Variants in FOXN3 observed in about 807,000 individuals in gnomAD.
FOXN3 encodes forkhead box N3.
FOXN3 carries 7 observed loss-of-function variants against 38.4 expected under a neutral mutation model. That is an observed-to-expected ratio of 0.18 (90% CI 0.10 to 0.34). The LOEUF is 0.34. Ranked by LOEUF, FOXN3 falls within the 10% of genes least tolerant of loss-of-function variation. The pLI is 1.00. For synonymous variants in FOXN3, 230 were observed against 242.2 expected, an observed-to-expected ratio of 0.95 and a Z score of 0.47; for missense variants, 456 against 613.4, an observed-to-expected ratio of 0.74 and a Z score of 2.71.
intron 1 of FOXN3, among the ~76,000 whole-genome samples, chr14:89,472,644 C>T (rs1893126399): frequency 6.6e-6 from 1 of 150,682 alleles, no homozygotes. Flanking sequence ...TGGTGTGAAC[C>T]CAGGAGGTGG....
At chr14:89,419,274 A>G (rs918091316), upstream of FOXN3, 3 of 444,046 alleles carry the variant, frequency 6.8e-6, no homozygotes, top group African/African-American at 4.0e-5. Context: ...GAAATGGGGG[A>G]AAAAATGCTG....
At chr14:89,527,590 A>C (rs1376881900) in intron 1 of FOXN3, among the ~76,000 whole-genome samples, 1 of 152,234 alleles carries the variant, frequency 6.6e-6, no homozygotes, top group Non-Finnish European at 1.5e-5. Flanking sequence ...TTACTAAAGA[A>C]GATCTTAATG....
chr14:89,386,089 A>G (rs1566974207), intron 2 of FOXN3, among the ~76,000 whole-genome samples: 1 of 152,218 alleles, frequency 6.6e-6, no homozygotes, highest in Non-Finnish European at 1.5e-5. Context: ...TTTGACACGC[A>G]AATGCCTTCG....
At chr14:89,218,164 C>T (rs569130440) in intron 4 of FOXN3, among the ~76,000 whole-genome samples, 34 of 152,192 alleles carry the variant, frequency 2.2e-4, no homozygotes, top group Non-Finnish European at 4.6e-4. Flanking sequence ...CTCCGCCATG[C>T]CTGCACCTAT....
In FOXN3 at chr14:89,598,265, A is replaced by C. The variant is rs1596328823; in HGVS notation, c.-15+20763T>G. On this transcript the variant is annotated intron_variant, in intron 1 of 6. Transcript: ENST00000345097. ...ATTTTAAACTCCACAAAACATAATA[A>C]TTATTATTTTATAAAGTCAATATTT... 2.0e-5 allele frequency among the ~76,000 whole-genome samples: 3 copies of C among 152,252 alleles called. No homozygotes were observed. In the East Asian group the frequency reaches 5.8e-4, roughly 29 times the overall value.
intron 1 of FOXN3, among the ~76,000 whole-genome samples, chr14:89,532,887 C>CT (rs1894599839): frequency 6.6e-6 from 1 of 152,092 alleles, no homozygotes; most frequent in African/African-American, 2.4e-5. Context: ...ATGTAGGTAA[C>CT]AAAGGTATAC....
At chr14:89,300,909 G>C (rs1213715054) in intron 3 of FOXN3, among the ~76,000 whole-genome samples, 2 of 152,116 alleles carry the variant, frequency 1.3e-5, no homozygotes, top group Admixed American at 6.5e-5. Context: ...CGATTCTCTT[G>C]CCTCAGCCTT....
chr14:89,377,053 A>AAAAAAAC, intron 2 of FOXN3, among the ~76,000 whole-genome samples: 1 of 132,758 alleles, frequency 7.5e-6, no homozygotes, highest in Non-Finnish European at 1.6e-5. Flanking sequence ...AAAAAAAAAA[A>AAAAAAAC]AGCTTGAGCC....
chr14:89,256,686 C>G (rs551044976), intron 4 of FOXN3, among the ~76,000 whole-genome samples: 1 of 152,152 alleles, frequency 6.6e-6, no homozygotes, highest in Non-Finnish European at 1.5e-5. Context: ...CTCCCTAATC[C>G]GTGAGAGTTT....
chr14:89,421,684 G>T (rs889970066), upstream of FOXN3, among the ~76,000 whole-genome samples: 7 of 149,814 alleles, frequency 4.7e-5, no homozygotes, highest in African/African-American at 1.7e-4. Flanking sequence ...GCACCACCAC[G>T]CACGGCTAAT....
In FOXN3 at chr14:89,340,547, C is replaced by T. The variant is rs928929979; in HGVS notation, c.680+10125G>A. ...AGATGCTTTGACAAATAATGCAACA[C>T]GAACCTTATGTAAGAAAAACAAAAG... is the stretch of plus-strand genomic sequence containing the variant. On this transcript the variant is annotated intron_variant, in intron 3 of 5. Transcript: ENST00000557258. 4.6e-5 allele frequency among the ~76,000 whole-genome samples: 7 copies of T among 152,204 alleles called. No individual in the cohort carries two copies. The East Asian group carries it at 7.7e-4, about 17-fold the overall frequency.
intron 1 of FOXN3, among the ~76,000 whole-genome samples, chr14:89,448,773 T>C (rs536377279): frequency 6.8e-6 from 1 of 146,940 alleles, no homozygotes; most frequent in Non-Finnish European, 1.5e-5. Context: ...ACCCCATCTC[T>C]AAAAAAAAAA....
At chr14:89,203,596 C>G (rs7153737) in intron 4 of FOXN3, among the ~76,000 whole-genome samples, 115,726 of 152,144 alleles carry the variant, frequency 0.76, 44,479 homozygotes, top group African/African-American at 0.88. Context: ...ATGCGCTGAG[C>G]GGGCAGAGTG....
intron 3 of FOXN3, among the ~76,000 whole-genome samples, chr14:89,310,752 G>A (rs551763635): frequency 2.6e-4 from 39 of 152,156 alleles, no homozygotes; most frequent in African/African-American, 9.2e-4. Context: ...GGGGCTGGAC[G>A]GCCTATCAGC....
chr14:89,281,075 C>A, intron 3 of FOXN3, 61 bp from the exon 4 acceptor site: 1 of 1,402,360 alleles, frequency 7.1e-7, no homozygotes, highest in Non-Finnish European at 1.0e-6. Context: ...ACCTGCAACC[C>A]CTTCCCACAC....
chr14:89,270,052 C>A (rs774376838), intron 4 of FOXN3, among the ~76,000 whole-genome samples: 2 of 152,180 alleles, frequency 1.3e-5, no homozygotes, highest in Non-Finnish European at 2.9e-5. Flanking sequence ...TGGCTGGAAG[C>A]GTTCTAACAC....
chr14:89,487,551 C>T (rs559362681), intron 1 of FOXN3, among the ~76,000 whole-genome samples: 1 of 152,286 alleles, frequency 6.6e-6, no homozygotes, highest in African/African-American at 2.4e-5. Context: ...TTCTGATATA[C>T]CTTAGATCAT....
intron 5 of FOXN3, among the ~76,000 whole-genome samples, chr14:89,168,190 G>C (rs1887291916): frequency 6.6e-6 from 1 of 152,194 alleles, no homozygotes; most frequent in Non-Finnish European, 1.5e-5. Flanking sequence ...GAACGGCAAA[G>C]ACTATAAATG....
intron 1 of FOXN3, among the ~76,000 whole-genome samples, chr14:89,563,488 G>C (rs1345451360): frequency 1.3e-5 from 2 of 152,274 alleles, no homozygotes; most frequent in African/African-American, 2.4e-5. Context: ...AGGCCTATGA[G>C]AGCCAAACAA....
Sources: allele counts gnomAD v4.1 joint callset (sites outside exome capture counted in the v4.1 genomes callset), GRCh38; gene constraint gnomAD v4.1.1; transcripts MANE v1.5; gene names NCBI Gene and HGNC (gene_info 2026-07-23, HGNC 2026-07-21).